Variants in ASTN2 observed in about 807,000 individuals in gnomAD.
ASTN2 encodes the protein astrotactin-2.
A neutral mutation model predicts 139.8 loss-of-function variants in ASTN2; 54 were observed. The ratio of observed to expected loss-of-function variants is 0.39; its 90% CI spans 0.31 to 0.48. The LOEUF (loss-of-function observed/expected upper bound fraction) is 0.48, where lower values mean the gene tolerates loss of function less well. ASTN2 is among the 20% of genes least tolerant of loss of function. The probability of loss-of-function intolerance (pLI) is 0.95; values close to 1 mark genes in which losing one functional copy is unlikely to be tolerated. For synonymous variants in ASTN2, 756 were observed against 719.5 expected (o/e 1.05, Z -0.81); for missense variants, 1,565 against 1,725.1 (o/e 0.91, Z 1.64).
intron 1 of ASTN2, among the ~76,000 whole-genome samples, chr9:117,325,089 T>C (rs12379211): frequency 0.077 from 11,693 of 152,130 alleles, 582 homozygotes; most frequent in Non-Finnish European, 0.1. Context: ...AGTGGGTTGA[T>C]AACAGAGAGT....
chr9:116,787,406 G>A (rs982065033), intron 13 of ASTN2, among the ~76,000 whole-genome samples: 1 of 152,180 alleles, frequency 6.6e-6, no homozygotes, highest in African/African-American at 2.4e-5. Context: ...TCTCAAGGAC[G>A]TGGGAGCTAT....
chr9:117,122,689 C>A (rs116521247), intron 4 of ASTN2, among the ~76,000 whole-genome samples: 50 of 152,284 alleles, frequency 3.3e-4, no homozygotes, highest in African/African-American at 1.1e-3. Context: ...GCTTGTTCAA[C>A]ACCAACTTAA....
intron 2 of ASTN2, among the ~76,000 whole-genome samples, chr9:117,228,890 CT>C (rs1194531629): frequency 4.0e-5 from 6 of 151,894 alleles, no homozygotes; most frequent in African/African-American, 7.3e-5. Context: ...TGGCACGTGC[CT>C]ATATTAGGGG....
chr9:117,028,760 G>C (rs139523027), intron 6 of ASTN2, among the ~76,000 whole-genome samples: 1 of 152,310 alleles, frequency 6.6e-6, no homozygotes, highest in African/African-American at 2.4e-5. Flanking sequence ...TTGGCCCAAA[G>C]CAGTCTGAAG....
chr9:117,031,096 G>A (rs1838234683), intron 6 of ASTN2, among the ~76,000 whole-genome samples: 2 of 152,068 alleles, frequency 1.3e-5, no homozygotes, highest in South Asian at 2.1e-4. Context: ...CTCTTTCTGG[G>A]CTCTGGGATG....
At chr9:116,553,629 C>G (rs909394862) in intron 19 of ASTN2, among the ~76,000 whole-genome samples, 3 of 152,144 alleles carry the variant, frequency 2.0e-5, no homozygotes, top group Non-Finnish European at 4.4e-5. Context: ...GAGCCCAAGT[C>G]GAACTTTTAC....
chr9:116,731,674 T>C (rs942230972), intron 14 of ASTN2, among the ~76,000 whole-genome samples: 19 of 152,154 alleles, frequency 1.2e-4, no homozygotes, highest in Non-Finnish European at 2.5e-4. Context: ...TCAACCTGCC[T>C]CGGACTCCCA....
intron 13 of ASTN2, among the ~76,000 whole-genome samples, chr9:116,741,674 G>A (rs73519416): frequency 0.013 from 1,993 of 152,210 alleles, 39 homozygotes; most frequent in African/African-American, 0.045. Context: ...GGTACAAAAC[G>A]TTTGTCTGAA....
chr9:116,567,710 C>T (rs1853305610), intron 19 of ASTN2, among the ~76,000 whole-genome samples: 1 of 151,858 alleles, frequency 6.6e-6, no homozygotes, highest in African/African-American at 2.4e-5. Flanking sequence ...AACTATTTCA[C>T]GAAGAAGATG....
At chr9:117,327,616 T>C (rs1009767554) in intron 1 of ASTN2, among the ~76,000 whole-genome samples, 2 of 152,090 alleles carry the variant, frequency 1.3e-5, no homozygotes. Context: ...AGGGAGATCA[T>C]GACAGTACTG....
intron 13 of ASTN2, among the ~76,000 whole-genome samples, chr9:116,790,978 A>AAGAAAGAAG (rs1564268925): frequency 0.01 from 671 of 65,348 alleles, 2 homozygotes; most frequent in Middle Eastern, 0.016. Flanking sequence ...AAAGAAAGAA[A>AAGAAAGAAG]GAAAGAAAGA....
chr9:117,124,483 A>G (rs1262106422), intron 4 of ASTN2, among the ~76,000 whole-genome samples: 1 of 152,194 alleles, frequency 6.6e-6, no homozygotes, highest in Non-Finnish European at 1.5e-5. Context: ...ATAACAACTC[A>G]CAGCAATAAT....
At chr9:116,929,005 G>A (rs909798135) in intron 10 of ASTN2, among the ~76,000 whole-genome samples, 11 of 152,182 alleles carry the variant, frequency 7.2e-5, no homozygotes, top group Admixed American at 3.9e-4. Context: ...CAGGCCTGTC[G>A]TGGCCTGCAT....
At chr9:116,696,862 A>C (rs1277877139) in intron 16 of ASTN2, among the ~76,000 whole-genome samples, 1 of 151,594 alleles carries the variant, frequency 6.6e-6, no homozygotes, top group East Asian at 1.9e-4. Flanking sequence ...TGTTTTGCAG[A>C]TCACCTAAAA....
chr9:116,589,753 T>C (rs926158949), intron 19 of ASTN2, among the ~76,000 whole-genome samples: 1 of 152,232 alleles, frequency 6.6e-6, no homozygotes, highest in African/African-American at 2.4e-5. Flanking sequence ...TCTCAGGTCA[T>C]GCCTACTGTG....
chr9:116,910,168 G>T (rs1053556883), intron 10 of ASTN2, among the ~76,000 whole-genome samples: 9 of 152,130 alleles, frequency 5.9e-5, no homozygotes, highest in Non-Finnish European at 1.3e-4. Flanking sequence ...TAAGAAAAAA[G>T]AATACAAAGT....
At chr9:116,999,205 A>G (rs967710543) in intron 7 of ASTN2, among the ~76,000 whole-genome samples, 6 of 152,310 alleles carry the variant, frequency 3.9e-5, no homozygotes, top group Middle Eastern at 3.4e-3. Flanking sequence ...TTAGTGCTTA[A>G]AAGGTCATAG....
chr9:117,357,656 C>A (rs770491091), intron 1 of ASTN2, among the ~76,000 whole-genome samples: 15 of 152,012 alleles, frequency 9.9e-5, no homozygotes, highest in Admixed American at 9.8e-4. Context: ...TATTATGGAT[C>A]CTTGGAACCA....
At chr9:116,537,681 C>T (rs887326071) in intron 19 of ASTN2, among the ~76,000 whole-genome samples, 13 of 152,280 alleles carry the variant, frequency 8.5e-5, no homozygotes, top group Non-Finnish European at 1.8e-4. Context: ...CCATTCACTG[C>T]AAATTGGTAA....
Sources: gnomAD v4.1 joint callset for allele counts (sites outside exome capture counted in the v4.1 genomes callset) on GRCh38, gnomAD v4.1.1 for gene constraint, MANE v1.5 for transcripts, NCBI Gene and HGNC (gene_info 2026-07-23, HGNC 2026-07-21) for gene names.